The following SCN1A variants were observed in gnomAD, a reference collection of about 807,000 sequenced individuals.
SCN1A encodes the protein sodium channel protein type 1 subunit alpha.
SCN1A carries 13 observed loss-of-function variants against 193.7 expected under a neutral mutation model. The observed-to-expected ratio is 0.07, with a 90% CI of 0.04 to 0.11. The LOEUF is 0.11. Among genes scored for constraint, SCN1A ranks in the 10% least tolerant of loss-of-function variants. SCN1A has a pLI of 1.00. For missense variants in SCN1A, 1,432 were observed against 2,451.1 expected, an observed-to-expected ratio of 0.58 and a Z score of 8.78; for synonymous variants, 781 against 843.6, an observed-to-expected ratio of 0.93 and a Z score of 1.29.
intron 19 of SCN1A, among the ~76,000 whole-genome samples, chr2:166,018,863 T>G (rs907291423): frequency 6.6e-6 from 1 of 152,162 alleles, no homozygotes; most frequent in Admixed American, 6.5e-5. Context: ...AGTACCCATA[T>G]TACATTGGTA....
chr2:166,053,026 A>G, intron 7 of SCN1A, 83 bp from the exon 8 acceptor site: 1 of 1,422,608 alleles, frequency 7.0e-7, no homozygotes, highest in Non-Finnish European at 9.9e-7. Context: ...CCTTTACTCT[A>G]ATCACTTCTT....
Position 166,141,804 on chromosome 2 carries a change from T to C in SCN1A, c.-50+7243A>G, listed in dbSNP as rs554876536. ...CAATTGCATTTCCCACTTGTGCAAATTTTCCTTTAAGATCTAGTCTCAGGA... is the reference window on the plus strand; with the variant it reads ...CAATTGCATTTCCCACTTGTGCAAACTTTCCTTTAAGATCTAGTCTCAGGA... On this transcript the variant is annotated intron_variant, in intron 1 of 26. Transcript: ENST00000635750. 2.6e-5 allele frequency among the ~76,000 whole-genome samples: 4 copies of C among 152,200 alleles called. No individual in the cohort carries two copies. In the East Asian group the frequency reaches 7.7e-4, roughly 29 times the overall value.
intron 2 of SCN1A, among the ~76,000 whole-genome samples, chr2:166,114,341 A>C (rs1689620465): frequency 6.6e-6 from 1 of 152,206 alleles, no homozygotes; most frequent in Non-Finnish European, 1.5e-5. Context: ...TGAACAAATG[A>C]TGAGAGAAGG....
chr2:166,009,138 A>G (rs1485778324), intron 23 of SCN1A, among the ~76,000 whole-genome samples: 1 of 151,058 alleles, frequency 6.6e-6, no homozygotes, highest in Non-Finnish European at 1.5e-5. Flanking sequence ...AATGATGTGG[A>G]TTTGTATGTA....
chr2:166,135,904 G>A (rs73972812), intron 1 of SCN1A, among the ~76,000 whole-genome samples: 8,297 of 152,150 alleles, frequency 0.055, 784 homozygotes, highest in African/African-American at 0.19. Flanking sequence ...GAGAAGATTC[G>A]GATGTGAGCA....
intron 19 of SCN1A, 90 bp downstream of exon 19, chr2:166,035,953 TAAGTC>T (rs1696282137): frequency 7.6e-7 from 1 of 1,312,596 alleles, no homozygotes. Context: ...AAAAAAATCT[TAAGTC>T]AAAACATCAT....
At chr2:166,116,760 C>T (rs1689916649) in intron 2 of SCN1A, among the ~76,000 whole-genome samples, 1 of 151,946 alleles carries the variant, frequency 6.6e-6, no homozygotes. Context: ...AATGTATTGC[C>T]ATTTACCATG....
chr2:166,078,131 A>G (rs2106004778), intron 2 of SCN1A, among the ~76,000 whole-genome samples: 1 of 151,916 alleles, frequency 6.6e-6, no homozygotes, highest in Non-Finnish European at 1.5e-5. Flanking sequence ...AATGTACAAT[A>G]CCAAGATTGA....
intron 26 of SCN1A, 46 bp downstream of exon 26, chr2:165,997,992 A>G (rs756628462): frequency 5.2e-5 from 77 of 1,480,776 alleles, no homozygotes; most frequent in Non-Finnish European, 6.9e-5. Context: ...CACTCCAAGG[A>G]ATAATTTTCT....
At chr2:166,110,330 C>A (rs1000661785) in intron 2 of SCN1A, among the ~76,000 whole-genome samples, 7 of 152,124 alleles carry the variant, frequency 4.6e-5, no homozygotes, top group South Asian at 2.1e-4. Context: ...CCTCATGAAC[C>A]AAACAGTTAG....
rs1243192240 is a variant in SCN1A at position 166,105,075 on chromosome 2, A to G, written c.-142+21849T>C. Among the ~76,000 whole-genome samples the G allele has an allele frequency of 2.6e-5, 4 of 152,240 alleles. No individual in the cohort carries two copies. The East Asian group carries it at 7.7e-4, about 29-fold the overall frequency. On this transcript the variant is annotated intron_variant, in intron 2 of 28. Transcript: ENST00000674923. ...TTACTCCTTAGGATTTTTGCTATAG[A>G]GGAAAAAGTGTGAAGTTTTCTTAAT... is the stretch of plus-strand genomic sequence containing the variant.
chr2:166,056,578 C>T (rs1699164550), intron 5 of SCN1A, 78 bp from the exon 6 acceptor site: 1 of 1,046,010 alleles, frequency 9.6e-7, no homozygotes, highest in Non-Finnish European at 1.5e-6. Flanking sequence ...ATTGAAAAGC[C>T]CAAACTGCAG....
At chr2:166,009,010 A>G (rs889097629) in intron 23 of SCN1A, among the ~76,000 whole-genome samples, 1 of 151,084 alleles carries the variant, frequency 6.6e-6, no homozygotes, top group Non-Finnish European at 1.5e-5. Context: ...ATAAAATAAC[A>G]TTTTGTGTGA....
intron 26 of SCN1A, among the ~76,000 whole-genome samples, chr2:165,997,348 C>T (rs1391417097): frequency 1.3e-5 from 2 of 151,058 alleles, no homozygotes; most frequent in African/African-American, 4.8e-5. Flanking sequence ...ATAAAAAGTA[C>T]AACAATAAGA....
chr2:166,007,703 G>A (rs1198975283), intron 23 of SCN1A, among the ~76,000 whole-genome samples: 1 of 151,316 alleles, frequency 6.6e-6, no homozygotes, highest in Non-Finnish European at 1.5e-5. Context: ...CAGTAATGTT[G>A]CATAAAAGCA....
At chr2:166,088,497 G>A (rs956586033) in intron 2 of SCN1A, among the ~76,000 whole-genome samples, 2 of 152,064 alleles carry the variant, frequency 1.3e-5, no homozygotes, top group Non-Finnish European at 2.9e-5. Flanking sequence ...TTTCTTAAGT[G>A]CTGAGAAAAT....
intron 1 of SCN1A, among the ~76,000 whole-genome samples, chr2:166,135,291 C>T (rs1691814453): frequency 6.6e-6 from 1 of 152,084 alleles, no homozygotes; most frequent in South Asian, 2.1e-4. Flanking sequence ...TTTCTTTACT[C>T]TAAAGGATAT....
rs1006353943 is a variant in SCN1A, at chr2:166,121,551, C to T, written c.-142+5373G>A. Among the ~76,000 whole-genome samples the T allele has an allele frequency of 1.1e-4, 16 of 152,292 alleles. 2 individuals are homozygous for T. In the South Asian group the frequency reaches 3.1e-3, roughly 30 times the overall value. The stretch of plus-strand genomic sequence containing the variant: ...CACCATCATTTTATTTCTGCCCCCA[C>T]TTTGTTAGTCATCATGCCTGTAATT... On this transcript the variant is annotated intron_variant, in intron 2 of 28. Coordinates refer to ENST00000674923, the MANE Select transcript of SCN1A (RefSeq NM_001165963.4).
At chr2:166,016,277 A>T (rs1373833013) in intron 19 of SCN1A, 2 of 155,168 alleles carry the variant, frequency 1.3e-5, no homozygotes, top group Non-Finnish European at 2.9e-5. Context: ...TTGTTATAAA[A>T]TATGTCAAAA....
Sources: gnomAD v4.1 joint callset for allele counts (sites outside exome capture counted in the v4.1 genomes callset) on GRCh38, gnomAD v4.1.1 for gene constraint, MANE v1.5 for transcripts, NCBI Gene and HGNC (gene_info 2026-07-23, HGNC 2026-07-21) for gene names.